GRHL3: variants seen among roughly 807,000 people sequenced by gnomAD.
The protein encoded by GRHL3 is grainyhead like transcription factor 3.
GRHL3 carries 20 observed loss-of-function variants against 70.3 expected under a neutral mutation model. The ratio of observed to expected loss-of-function variants is 0.28; its 90% confidence interval spans 0.20 to 0.41. The LOEUF (loss-of-function observed/expected upper bound fraction) is 0.41, where lower values mean the gene tolerates loss of function less well. Ranked by LOEUF, GRHL3 falls within the 10% of genes least tolerant of loss-of-function variation. The pLI is 1.00. For missense variants in GRHL3, 637 were observed against 762.3 expected, an observed-to-expected ratio of 0.84 and a Z score of 1.94; for synonymous variants, 299 against 299.9, an observed-to-expected ratio of 1.00 and a Z score of 0.03.
At chr1:24,353,170 T>C (rs2148668222) in intron 15 of GRHL3, among the ~76,000 whole-genome samples, 1 of 152,274 alleles carries the variant, frequency 6.6e-6, no homozygotes, top group South Asian at 2.1e-4. Flanking sequence ...ACAAATAACT[T>C]TGTTTCTTTG....
At chr1:24,347,409 C>T (rs1640332321) in intron 13 of GRHL3, 59 bp from the exon 14 acceptor site, 5 of 1,394,706 alleles carry the variant, frequency 3.6e-6, no homozygotes, top group Non-Finnish European at 5.1e-6. Flanking sequence ...TTCCCCAGCC[C>T]CTGAGATGAT....
rs773360344 is a variant in GRHL3, at chr1:24,354,730, G to A, written c.*242G>A. On this transcript the variant is annotated 3_prime_UTR_variant, in exon 16 of 16. Transcript: ENST00000361548. Reference sequence around the variant, plus strand: ...CTGAACTTCCTGCCAGTGCCTCCCCGTACCCCAAAACAATGTCACCATGGT... The same window carrying A: ...CTGAACTTCCTGCCAGTGCCTCCCCATACCCCAAAACAATGTCACCATGGT... 12 of 424,500 alleles carry A rather than the reference G, an allele frequency of 2.8e-5. No homozygotes were observed. Among genetic ancestry groups the A allele is most frequent in the African/African-American group, 8.0e-5 (4 of 50,034 alleles). 26.3% of individuals were successfully genotyped at this position (424,500 alleles called of 1,614,324 possible). A position where few individuals can be genotyped will look rare whatever the true frequency, so the allele number is the denominator to read the frequency against.
At chr1:24,331,057 C>T (rs1381811181) in intron 1 of GRHL3, among the ~76,000 whole-genome samples, 10 of 152,200 alleles carry the variant, frequency 6.6e-5, no homozygotes, top group South Asian at 2.1e-4. Flanking sequence ...AAATTTTATT[C>T]GTATCACATT....
At chr1:24,335,014 AACACACACACACACACAC>A (rs35646472) in intron 3 of GRHL3, among the ~76,000 whole-genome samples, 87 of 137,042 alleles carry the variant, frequency 6.3e-4, no homozygotes, top group Admixed American at 1.7e-3. Flanking sequence ...TCAGCTTGAA[AACACACACACACACACAC>A]ACACACACAC....
chr1:24,342,249 C>A lies in GRHL3; in HGVS notation c.1182C>A (p.Cys394Ter). The A allele has an allele frequency of 6.2e-7, 1 of 1,609,726 alleles. No individual in the cohort carries two copies. The highest frequency in any genetic ancestry group is 8.5e-7 in the Non-Finnish European group (1 of 1,177,726). Residue 394 changes from cysteine (C) to a stop codon, truncating the protein, a stop_gained, in exon 9 of 16, where the codon TGC (cysteine) becomes TGA (stop). Coordinates refer to ENST00000361548, the MANE Select transcript of GRHL3 (RefSeq NM_198173.3). LOFTEE classifies it high-confidence loss of function. The surrounding 1 kb of genome is among the most constrained non-coding windows in gnomAD (Gnocchi z 4.8). The stretch of plus-strand genomic sequence containing the variant: ...AGCGCCTGGTACACCGTGCTGTCTG[C>A]CAGATCAAGATCTTCTGTGACAAGG... ...GTERLVHRAV[C>*]QIKIFCDKGA...
Position 24,321,188 on chromosome 1 carries a change from G to A in GRHL3, c.17+1620G>A, listed in dbSNP as rs1192907229. On this transcript the variant is annotated intron_variant, in intron 1 of 15. Transcript: ENST00000361548. This position sits in a 1 kb window ranked among gnomAD's most constrained non-coding sequence, Gnocchi z 4.0. ...CACGTTAGGGGGTATGTGTTCTGAAGCTGGGTTACTTGAACAGAAAGGTTT... is the reference window on the plus strand; with the variant it reads ...CACGTTAGGGGGTATGTGTTCTGAAACTGGGTTACTTGAACAGAAAGGTTT... Among the ~76,000 whole-genome samples the A allele has an allele frequency of 6.6e-6, 1 of 152,218 alleles. No individual in the cohort carries two copies. The highest frequency in any genetic ancestry group is 1.5e-5 in the Non-Finnish European group (1 of 68,042).
intron 15 of GRHL3, among the ~76,000 whole-genome samples, chr1:24,350,960 GTCCTCTGCAGCCCT>G (rs1278532295): frequency 1.3e-5 from 2 of 152,224 alleles, no homozygotes; most frequent in Non-Finnish European, 2.9e-5. Context: ...TAGTGAGCCT[GTCCTCTGCAGCCCT>G]TCCTGAGTAG....
Position 24,339,759 on chromosome 1 carries a change from C to A in GRHL3, c.1044C>A (p.Ala348=). 6.2e-7 allele frequency: 1 copy of A among 1,608,002 alleles called. No individual in the cohort carries two copies. Among genetic ancestry groups the A allele is most frequent in the Non-Finnish European group, 8.5e-7 (1 of 1,175,038 alleles). The change falls in exon 8 of 16, where the codon GCC becomes GCA. Residue 348 remains alanine (A), a synonymous_variant. Coordinates refer to ENST00000361548, the MANE Select transcript of GRHL3 (RefSeq NM_198173.3). The part of the protein sequence containing the change: ...LSFVWNVNEE[A]KVFIGVNCLS... ...TTGTGTGGAACGTGAATGAAGAGGC[C>A]AAGGTCAGTGCTGAGGGCAGTGGCT...
At chr1:24,320,595 C>A (rs1639143547) in intron 1 of GRHL3, among the ~76,000 whole-genome samples, 1 of 152,200 alleles carries the variant, frequency 6.6e-6, no homozygotes, top group Non-Finnish European at 1.5e-5. Flanking sequence ...TTTTTTCTAA[C>A]TGCTCCTCAA....
rs2148643621 is a variant in GRHL3 at position 24,322,153 on chromosome 1, G to A, written c.17+2585G>A. Among the ~76,000 whole-genome samples the A allele has an allele frequency of 6.6e-6, 1 of 152,212 alleles. No homozygotes were observed. Among genetic ancestry groups the A allele is most frequent in the Middle Eastern group, 3.4e-3 (1 of 294 alleles). Reference sequence around the variant, plus strand: ...CAGCCCAGGAAGGGAGAGTTTCGCCGCAAAGGGGCTTGGCACACAGTAGGT... The same window carrying A: ...CAGCCCAGGAAGGGAGAGTTTCGCCACAAAGGGGCTTGGCACACAGTAGGT... On this transcript the variant is annotated intron_variant, in intron 1 of 15. Transcript: ENST00000361548. This position sits in a 1 kb window ranked among gnomAD's most constrained non-coding sequence, Gnocchi z 4.4.
In GRHL3 at chr1:24,342,358, G is replaced by A; in HGVS notation, c.1206+85G>A. On this transcript the variant is annotated intron_variant, in intron 9 of 15. Coordinates refer to ENST00000361548, the MANE Select transcript of GRHL3 (RefSeq NM_198173.3). This position sits in a 1 kb window ranked among gnomAD's most constrained non-coding sequence, Gnocchi z 4.8. ...ACCCGTGCGTCCTCCTAGCTTCTCTGGGTTGTCTGTCTCTCTCTGTTTTTC... is the reference window on the plus strand; with the variant it reads ...ACCCGTGCGTCCTCCTAGCTTCTCTAGGTTGTCTGTCTCTCTCTGTTTTTC... 1 of 1,170,994 alleles carries A rather than the reference G, an allele frequency of 8.5e-7. No homozygotes were observed. Among genetic ancestry groups the A allele is most frequent in the South Asian group, 1.5e-5 (1 of 66,542 alleles). 72.5% of individuals were successfully genotyped at this position (1,170,994 alleles called of 1,614,324 possible).
rs763050512 is a variant in GRHL3, at chr1:24,336,620, G to A, written c.405G>A (p.Leu135=). 4 of 1,614,130 alleles carry A rather than the reference G, an allele frequency of 2.5e-6. No individual in the cohort carries two copies. The highest frequency in any genetic ancestry group is 1.7e-5 in the Admixed American group (1 of 60,034). Residue 135 remains leucine (L), a synonymous_variant, in exon 4 of 16, where the codon TTG becomes TTA. Transcript: ENST00000361548. The part of the protein sequence containing the change: ...DLLKKNNLMS[L]EGALPTPGKA... Reference sequence around the variant, plus strand: ...TCAAGAAGAATAACCTGATGAGCTTGGAGGGGGCCTTGCCCACCCCTGGCA... The same window carrying A: ...TCAAGAAGAATAACCTGATGAGCTTAGAGGGGGCCTTGCCCACCCCTGGCA...
chr1:24,334,454 C>T lies in GRHL3; in HGVS notation c.205-191C>T, dbSNP rs1042523299. ...GAACAGCAGCATGGGAGTAACCACC[C>T]CCATCATGCAATTACCTCCCACTCC... On this transcript the variant is annotated intron_variant, in intron 2 of 15. Transcript: ENST00000361548. This position sits in a 1 kb window ranked among gnomAD's most constrained non-coding sequence, Gnocchi z 4.3. Among the ~76,000 whole-genome samples, 1 of 151,986 alleles carries T rather than the reference C, an allele frequency of 6.6e-6. No individual in the cohort carries two copies. Among genetic ancestry groups the T allele is most frequent in the Non-Finnish European group, 1.5e-5 (1 of 67,994 alleles).
rs1036099345 is a variant in GRHL3 at position 24,321,976 on chromosome 1, A to C, written c.17+2408A>C. ...TCGCCGCCGACCGCCTGGGTCTCGCAGGAAAACAGCCGGCGCCCGCGAGCT... is the reference window on the plus strand; with the variant it reads ...TCGCCGCCGACCGCCTGGGTCTCGCCGGAAAACAGCCGGCGCCCGCGAGCT... On this transcript the variant is annotated intron_variant, in intron 1 of 15. Transcript: ENST00000361548. The surrounding 1 kb of genome is among the most constrained non-coding windows in gnomAD (Gnocchi z 4.0). 17 of 152,050 alleles carry C rather than the reference A, an allele frequency of 1.1e-4. No homozygotes were observed. Among genetic ancestry groups the C allele is most frequent in the African/African-American group, 3.9e-4 (16 of 41,426 alleles). The allele number at this position is 152,050 out of a possible 1,614,324, so 9.4% of individuals were successfully genotyped here.
At chr1:24,346,471 G>T in intron 12 of GRHL3, 82 bp from the exon 13 acceptor site, 1 of 853,874 alleles carries the variant, frequency 1.2e-6, no homozygotes. Flanking sequence ...CCATTTCTAG[G>T]GCCCCTGGAG....
intron 15 of GRHL3, among the ~76,000 whole-genome samples, chr1:24,350,638 C>G (rs1640466431): frequency 6.6e-6 from 1 of 152,130 alleles, no homozygotes; most frequent in Non-Finnish European, 1.5e-5. Flanking sequence ...GCAGGCAGGC[C>G]CAACAAAGTT....
intron 15 of GRHL3, among the ~76,000 whole-genome samples, chr1:24,351,843 G>A (rs138979670): frequency 2.0e-4 from 31 of 152,256 alleles, no homozygotes; most frequent in African/African-American, 6.7e-4. Flanking sequence ...GCATCATCTC[G>A]TTGACCCTTT....
At position 24,353,453 on chromosome 1, in the gene GRHL3, A is replaced by T. The variant is rs901332681; in HGVS notation, c.1695-921A>T. Among the ~76,000 whole-genome samples, 12 of 131,676 alleles carry T rather than the reference A, an allele frequency of 9.1e-5. No individual in the cohort carries two copies. The Admixed American group carries it at 1.0e-3, about 11-fold the overall frequency. 86.4% of individuals were successfully genotyped at this position (131,676 alleles called of 152,430 possible). The stretch of plus-strand genomic sequence containing the variant: ...GTGGGTAGATGGACGAGTAGATGCC[A>T]GGTAGGTGTGTGTGTGGGTGTGTAG... On this transcript the variant is annotated intron_variant, in intron 15 of 15. Transcript: ENST00000361548.
At chr1:24,345,339 C>T (rs1032931479) in intron 12 of GRHL3, among the ~76,000 whole-genome samples, 1 of 145,826 alleles carries the variant, frequency 6.9e-6, no homozygotes, top group Non-Finnish European at 1.5e-5. Context: ...CTGTACCATG[C>T]CCACTGTACC....
Sources: gnomAD v4.1 joint callset for allele counts (sites outside exome capture counted in the v4.1 genomes callset) on GRCh38, gnomAD v4.1.1 for gene constraint, Gnocchi (gnomAD v3.1) non-coding constraint, MANE v1.5 for transcripts, NCBI Gene and HGNC (gene_info 2026-07-23, HGNC 2026-07-21) for gene names.